TMED5: variants seen among roughly 807,000 people sequenced by gnomAD.
TMED5 encodes transmembrane p24 trafficking protein 5.
TMED5 carries 27 observed loss-of-function variants against 23.0 expected under a neutral mutation model. The ratio of observed to expected loss-of-function variants is 1.17; its 90% CI spans 0.86 to 1.62. TMED5 has a LOEUF of 1.62. Ranked by LOEUF, TMED5 falls within the 40% of genes most tolerant of loss-of-function variation. The pLI is 0.00. For missense variants in TMED5, 248 were observed against 273.7 expected, an observed-to-expected ratio of 0.91 and a Z score of 0.66; for synonymous variants, 97 against 100.8, an observed-to-expected ratio of 0.96 and a Z score of 0.23.
Position 93,160,116 on chromosome 1 carries a change from A to C in TMED5, c.287+13T>G. On this transcript the variant is annotated intron_variant, in intron 2 of 3. Coordinates refer to ENST00000370282, the MANE Select transcript of TMED5 (RefSeq NM_016040.5). ...TATTCAGCAATGAAACTCAACTAAAAGAGATTACTTACGTGTGAACTCCAT... is the reference window on the plus strand; with the variant it reads ...TATTCAGCAATGAAACTCAACTAAACGAGATTACTTACGTGTGAACTCCAT... 6.4e-7 allele frequency: 1 copy of C among 1,571,214 alleles called. No homozygotes were observed. The highest frequency in any genetic ancestry group is 8.8e-7 in the Non-Finnish European group (1 of 1,142,516).
At chr1:93,156,716 G>A (rs930702219) in intron 2 of TMED5, among the ~76,000 whole-genome samples, 1 of 149,096 alleles carries the variant, frequency 6.7e-6, no homozygotes, top group African/African-American at 2.5e-5. Context: ...AGCAGAGTGT[G>A]AGGATTGCTT....
intron 3 of TMED5, 82 bp from the exon 4 acceptor site, chr1:93,154,970 A>G: frequency 1.0e-6 from 1 of 1,003,600 alleles, no homozygotes; most frequent in Non-Finnish European, 1.5e-6. Flanking sequence ...GGGTGCAGTG[A>G]CTCATGCCTT....
At chr1:93,169,856 T>C (rs1347632420) in intron 1 of TMED5, among the ~76,000 whole-genome samples, 1 of 145,892 alleles carries the variant, frequency 6.9e-6, no homozygotes, top group African/African-American at 2.5e-5. Context: ...GAGACTAGCC[T>C]AGGCAGCAAA....
intron 1 of TMED5, among the ~76,000 whole-genome samples, chr1:93,163,878 G>C (rs536659438): frequency 1.3e-5 from 2 of 151,506 alleles, no homozygotes; most frequent in Non-Finnish European, 2.9e-5. Flanking sequence ...AGGTACCTGG[G>C]AGGTTGAGGC....
intron 1 of TMED5, among the ~76,000 whole-genome samples, chr1:93,166,024 C>T (rs1036901604): frequency 3.3e-5 from 5 of 152,196 alleles, no homozygotes; most frequent in Admixed American, 2.0e-4. Flanking sequence ...ATTTGTCTTT[C>T]TGTGCCTGGC....
chr1:93,154,559 T>C lies in TMED5; in HGVS notation c.*111A>G. 1.4e-6 allele frequency: 1 copy of C among 710,284 alleles called. No individual in the cohort carries two copies. Among genetic ancestry groups the C allele is most frequent in the Non-Finnish European group, 2.3e-6 (1 of 434,654 alleles). The allele number at this position is 710,284 out of a possible 1,614,324, so 44.0% of individuals were successfully genotyped here. ...TCACATTAAAATTATACCTGTTTCC[T>C]ACTTTTATATCTCAAAATATTTTGG... On this transcript the variant is annotated 3_prime_UTR_variant, in exon 4 of 4. Transcript: ENST00000370282.
rs1647911769 is a variant in TMED5, at chr1:93,152,418, A to G, written c.*2252T>C. ...GCAGATAAACAGTATGTCTTTAGAA[A>G]TATTAAAGATTTTTACTCTGTTTAC... On this transcript the variant is annotated 3_prime_UTR_variant, in exon 4 of 4. Coordinates refer to ENST00000370282, the MANE Select transcript of TMED5 (RefSeq NM_016040.5). 1 of 152,244 alleles carries G rather than the reference A, an allele frequency of 6.6e-6. No homozygotes were observed. Among genetic ancestry groups the G allele is most frequent in the Admixed American group, 6.5e-5 (1 of 15,282 alleles). The allele number at this position is 152,244 out of a possible 1,614,324, so 9.4% of individuals were successfully genotyped here.
rs1200342473 is a variant in TMED5, at chr1:93,153,334, CAATA to C, written c.*1332_*1335del. On this transcript the variant is annotated 3_prime_UTR_variant, in exon 4 of 4. Transcript: ENST00000370282. ...ATGTTTCTAATCCTTACTTCAACAT[CAATA>C]AATAAAGTGTTCAGAAAGGCCATTT... 2.0e-5 allele frequency: 3 copies of C among 151,964 alleles called. No individual in the cohort carries two copies. Among genetic ancestry groups the C allele is most frequent in the South Asian group, 2.1e-4 (1 of 4,820 alleles). 9.4% of individuals were successfully genotyped at this position (151,964 alleles called of 1,614,324 possible). A position where few individuals can be genotyped will look rare whatever the true frequency, so the allele number is the denominator to read the frequency against.
At chr1:93,170,509 G>A (rs1648684815) in intron 1 of TMED5, among the ~76,000 whole-genome samples, 1 of 152,200 alleles carries the variant, frequency 6.6e-6, no homozygotes, top group African/African-American at 2.4e-5. Context: ...CCTCCCCTCA[G>A]CCCCCCACTG....
intron 2 of TMED5, 100 bp downstream of exon 2, chr1:93,160,029 A>G (rs1439846352): frequency 4.6e-6 from 3 of 652,300 alleles, no homozygotes; most frequent in Non-Finnish European, 8.3e-6. Flanking sequence ...GGAATTATCT[A>G]ATATTGATAT....
chr1:93,154,610 TA>T lies in TMED5; in HGVS notation c.*59del. 8.3e-7 allele frequency: 1 copy of T among 1,199,194 alleles called. No individual in the cohort carries two copies. Among genetic ancestry groups the T allele is most frequent in the Non-Finnish European group, 1.2e-6 (1 of 825,494 alleles). 74.3% of individuals were successfully genotyped at this position (1,199,194 alleles called of 1,614,324 possible). A position where few individuals can be genotyped will look rare whatever the true frequency, so the allele number is the denominator to read the frequency against. Reference sequence around the variant, plus strand: ...AGAAGACCATTAATGGTCTTGACTGTAACAGTTTATTGCATTTTTATGCCTC... The same window carrying T: ...AGAAGACCATTAATGGTCTTGACTGTACAGTTTATTGCATTTTTATGCCTC... On this transcript the variant is annotated 3_prime_UTR_variant, in exon 4 of 4. Coordinates refer to ENST00000370282, the MANE Select transcript of TMED5 (RefSeq NM_016040.5).
intron 1 of TMED5, among the ~76,000 whole-genome samples, chr1:93,169,105 G>A (rs1413911883): frequency 6.6e-6 from 1 of 152,112 alleles, no homozygotes; most frequent in African/African-American, 2.4e-5. Flanking sequence ...GTGTCTAATT[G>A]AATCTTGAGA....
chr1:93,174,539 G>A (rs1011391376), intron 1 of TMED5, among the ~76,000 whole-genome samples: 3 of 152,014 alleles, frequency 2.0e-5, no homozygotes, highest in Non-Finnish European at 4.4e-5. Flanking sequence ...ATAGGTAAAC[G>A]TGTTAAAAAC....
chr1:93,162,010 C>G (rs1648297330), intron 1 of TMED5: 1 of 151,878 alleles, frequency 6.6e-6, no homozygotes, highest in Non-Finnish European at 1.5e-5. Context: ...CTGTCTTCCT[C>G]TTTCCCTGCG....
Position 93,175,299 on chromosome 1 carries a change from CTATA to C in TMED5, c.189+4751_189+4754del, listed in dbSNP as rs1239274904. 2.5e-3 allele frequency among the ~76,000 whole-genome samples: 280 copies of C among 110,644 alleles called. 1 individual carries two copies. The highest frequency in any genetic ancestry group is 8.3e-3 in the African/African-American group (261 of 31,366). 72.6% of individuals were successfully genotyped at this position (110,644 alleles called of 152,430 possible). ...TCTTGTTCCACTTACTCCCTTATGC[CTATA>C]TATATATATATATACACACACACAC... On this transcript the variant is annotated intron_variant, in intron 1 of 3. Coordinates refer to ENST00000370282, the MANE Select transcript of TMED5 (RefSeq NM_016040.5).
chr1:93,180,088 ATGGGCTGGTAGAAGCACTCC>A lies in TMED5; in HGVS notation c.135_154del (p.Lys45AsnfsTer22). On this transcript the variant is annotated frameshift_variant, in exon 1 of 4. Transcript: ENST00000370282. LOFTEE classifies it high-confidence loss of function. ...GATCTCCAGCGAGGCCTTCAGGGGC[ATGGGCTGGTAGAAGCACTCC>A]TTCTGGCCGGCGGGAAGGGTAAAGG... The A allele has an allele frequency of 1.2e-6, 2 of 1,613,640 alleles. No individual in the cohort carries two copies. Among genetic ancestry groups the A allele is most frequent in the Non-Finnish European group, 1.7e-6 (2 of 1,179,778 alleles).
In TMED5 at chr1:93,159,227, T is replaced by C. The variant is rs374955937; in HGVS notation, c.287+902A>G. Among the ~76,000 whole-genome samples, 6 of 152,206 alleles carry C rather than the reference T, an allele frequency of 3.9e-5. No individual in the cohort carries two copies. The East Asian group carries it at 5.8e-4, about 15-fold the overall frequency. The stretch of plus-strand genomic sequence containing the variant: ...GCATATGGTAGAAAGCAAAGAGTTT[T>C]GGTCCATCCTGTCTCCACCCTGCAT... On this transcript the variant is annotated intron_variant, in intron 2 of 3. Coordinates refer to ENST00000370282, the MANE Select transcript of TMED5 (RefSeq NM_016040.5).
At chr1:93,178,590 C>G (rs1649028588) in intron 1 of TMED5, among the ~76,000 whole-genome samples, 1 of 152,058 alleles carries the variant, frequency 6.6e-6, no homozygotes, top group Admixed American at 6.6e-5. Context: ...GCTCCCCCTC[C>G]GTCTCCCCCA....
chr1:93,155,684 C>T (rs1013324429), intron 3 of TMED5, among the ~76,000 whole-genome samples: 1 of 151,920 alleles, frequency 6.6e-6, no homozygotes, highest in African/African-American at 2.4e-5. Context: ...TATGTGTGAC[C>T]ATGGTTCACT....
Sources: gnomAD v4.1 joint callset for allele counts (sites outside exome capture counted in the v4.1 genomes callset) on GRCh38, gnomAD v4.1.1 for gene constraint, MANE v1.5 for transcripts, NCBI Gene and HGNC (gene_info 2026-07-23, HGNC 2026-07-21) for gene names.